OXR1: variants seen among roughly 807,000 people sequenced by gnomAD.
OXR1 encodes the protein oxidation resistance 1.
Under a neutral mutation model 104.6 loss-of-function variants are expected in OXR1, and 41 were observed. That is an observed-to-expected ratio of 0.39 (90% confidence interval 0.31 to 0.51). The LOEUF (loss-of-function observed/expected upper bound fraction) is 0.51, where lower values mean the gene tolerates loss of function less well. Among genes scored for constraint, OXR1 ranks in the 20% least tolerant of loss-of-function variants. The pLI is 0.77. For missense variants in OXR1, 955 were observed against 1,031.9 expected, an observed-to-expected ratio of 0.93 and a Z score of 1.02; for synonymous variants, 348 against 348.4, an observed-to-expected ratio of 1.00 and a Z score of 0.01.
chr8:106,601,288 G>T (rs1819950788), intron 3 of OXR1, among the ~76,000 whole-genome samples: 1 of 151,958 alleles, frequency 6.6e-6, no homozygotes. Context: ...TTCTAAAATG[G>T]CTCCTGTCTT....
chr8:106,700,351 A>C (rs543233833), intron 7 of OXR1, among the ~76,000 whole-genome samples: 1 of 152,330 alleles, frequency 6.6e-6, no homozygotes, highest in East Asian at 1.9e-4. Context: ...AGACATTTTC[A>C]TGAATTTTAT....
intron 3 of OXR1, among the ~76,000 whole-genome samples, chr8:106,664,605 T>C (rs1227936726): frequency 2.6e-5 from 4 of 152,250 alleles, no homozygotes; most frequent in African/African-American, 9.6e-5. Flanking sequence ...CAAATTAGTC[T>C]TAAGAGTATA....
intron 11 of OXR1, among the ~76,000 whole-genome samples, chr8:106,715,709 G>A (rs1289541816): frequency 2.0e-5 from 3 of 152,074 alleles, no homozygotes; most frequent in Non-Finnish European, 4.4e-5. Flanking sequence ...TCATGAACGG[G>A]AATTGAGAGC....
intron 1 of OXR1, among the ~76,000 whole-genome samples, chr8:106,313,499 T>C (rs1334519903): frequency 6.6e-6 from 1 of 152,172 alleles, no homozygotes; most frequent in African/African-American, 2.4e-5. Flanking sequence ...ATTTTCCTGA[T>C]TTAGTGACCA....
At chr8:106,719,986 T>G (rs1236846016) in intron 11 of OXR1, among the ~76,000 whole-genome samples, 4 of 152,082 alleles carry the variant, frequency 2.6e-5, no homozygotes, top group African/African-American at 9.7e-5. Flanking sequence ...TTTTGTATTT[T>G]TAGTAGAGAC....
At chr8:106,348,024 G>T (rs1210557353) in intron 1 of OXR1, among the ~76,000 whole-genome samples, 1 of 152,250 alleles carries the variant, frequency 6.6e-6, no homozygotes, top group East Asian at 1.9e-4. Flanking sequence ...GAATTAAAGT[G>T]GGTATTGATT....
At chr8:106,679,403 A>T (rs540875949) in intron 4 of OXR1, 111 bp downstream of exon 4, 2 of 482,122 alleles carry the variant, frequency 4.1e-6, no homozygotes, top group Admixed American at 7.7e-5. Flanking sequence ...TTATTTTTAA[A>T]AATCTGTATT....
At chr8:106,422,753 G>A (rs1818957459) in intron 2 of OXR1, among the ~76,000 whole-genome samples, 1 of 152,046 alleles carries the variant, frequency 6.6e-6, no homozygotes, top group South Asian at 2.1e-4. Flanking sequence ...AAAAAAGAAG[G>A]GCTTTAAAGG....
intron 1 of OXR1, among the ~76,000 whole-genome samples, chr8:106,320,253 C>A (rs1164989285): frequency 6.6e-6 from 1 of 152,168 alleles, no homozygotes; most frequent in African/African-American, 2.4e-5. Flanking sequence ...CTGTTGCTTT[C>A]TTCCCCCATT....
intron 2 of OXR1, among the ~76,000 whole-genome samples, chr8:106,384,852 T>C (rs1171364950): frequency 6.6e-6 from 1 of 151,810 alleles, no homozygotes; most frequent in Non-Finnish European, 1.5e-5. Context: ...GTAGCTGGAA[T>C]TACAGGCATG....
At chr8:106,524,394 C>T (rs912743242) in intron 3 of OXR1, among the ~76,000 whole-genome samples, 11 of 152,184 alleles carry the variant, frequency 7.2e-5, no homozygotes, top group Non-Finnish European at 1.5e-5. Flanking sequence ...ATATTGATTC[C>T]TCACTTCAGG....
Position 106,726,077 on chromosome 8 carries a change from C to T in OXR1, c.1957-11443C>T. On this transcript the variant is annotated intron_variant, in intron 11 of 16. Coordinates refer to ENST00000517566, the MANE Select transcript of OXR1 (RefSeq NM_001198533.2). ...AGGACTATCATTGCTATGGATACTA[C>T]TTAGTGATTAGCTCTCTCTCTTGTC... 2.9e-6 allele frequency: 3 copies of T among 1,037,356 alleles called. No individual in the cohort carries two copies. The South Asian group carries it at 5.5e-5, about 19-fold the overall frequency. 64.3% of individuals were successfully genotyped at this position (1,037,356 alleles called of 1,614,324 possible). A position where few individuals can be genotyped will look rare whatever the true frequency, so the allele number is the denominator to read the frequency against.
Position 106,666,174 on chromosome 8 carries a change from C to T in OXR1, c.221-13036C>T, listed in dbSNP as rs146898070. Among the ~76,000 whole-genome samples, 12 of 152,238 alleles carry T rather than the reference C, an allele frequency of 7.9e-5. No individual in the cohort carries two copies. In the East Asian group the frequency reaches 2.3e-3, roughly 29 times the overall value. On this transcript the variant is annotated intron_variant, in intron 3 of 16. Coordinates refer to ENST00000517566, the MANE Select transcript of OXR1 (RefSeq NM_001198533.2). ...CCAAATATGCAGTTATCTAACAGTCCATCTTAACTGAGAGGTAGGTTTTAC... is the reference window on the plus strand; with the variant it reads ...CCAAATATGCAGTTATCTAACAGTCTATCTTAACTGAGAGGTAGGTTTTAC...
intron 4 of OXR1, among the ~76,000 whole-genome samples, chr8:106,681,700 T>C (rs1180141141): frequency 1.3e-5 from 2 of 152,054 alleles, no homozygotes; most frequent in South Asian, 2.1e-4. Context: ...AATTTTTGTA[T>C]TTTTTGTCAA....
At chr8:106,643,698 G>C (rs1284562744) in intron 3 of OXR1, among the ~76,000 whole-genome samples, 2 of 152,054 alleles carry the variant, frequency 1.3e-5, no homozygotes, top group Non-Finnish European at 2.9e-5. Flanking sequence ...AAAGATGGAG[G>C]GAAATGTCAT....
intron 3 of OXR1, among the ~76,000 whole-genome samples, chr8:106,605,533 A>G (rs890602764): frequency 6.6e-6 from 1 of 151,606 alleles, no homozygotes; most frequent in Non-Finnish European, 1.5e-5. Context: ...GGTGGCTCAC[A>G]CCTGTAATTC....
At chr8:106,557,123 T>C (rs1446842837) in intron 3 of OXR1, among the ~76,000 whole-genome samples, 1 of 152,216 alleles carries the variant, frequency 6.6e-6, no homozygotes, top group African/African-American at 2.4e-5. Context: ...GCTCTAATTG[T>C]GGTTAATAAA....
chr8:106,584,183 T>G (rs1190114099), intron 3 of OXR1, among the ~76,000 whole-genome samples: 1 of 151,826 alleles, frequency 6.6e-6, no homozygotes, highest in Non-Finnish European at 1.5e-5. Flanking sequence ...GTAAAAGCTT[T>G]GAAGGAAATG....
intron 2 of OXR1, among the ~76,000 whole-genome samples, chr8:106,429,092 G>A (rs1448463222): frequency 1.3e-5 from 2 of 152,100 alleles, no homozygotes; most frequent in Admixed American, 6.6e-5. Context: ...GGCGGAGGCA[G>A]GGAAGCCACG....
Sources: allele counts gnomAD v4.1 joint callset (sites outside exome capture counted in the v4.1 genomes callset), GRCh38; gene constraint gnomAD v4.1.1; transcripts MANE v1.5; gene names NCBI Gene and HGNC (gene_info 2026-07-23, HGNC 2026-07-21).